The following GREB1L variants were observed in gnomAD, a reference collection of about 807,000 sequenced individuals.
GREB1L encodes the protein GREB1-like protein.
GREB1L carries 17 observed loss-of-function variants against 200.8 expected under a neutral mutation model. The observed-to-expected ratio is 0.08, with a 90% CI of 0.06 to 0.13. GREB1L has a LOEUF of 0.13. Among genes scored for constraint, GREB1L ranks in the 10% least tolerant of loss-of-function variants. The pLI, the probability that GREB1L is intolerant of heterozygous loss-of-function variation, is 1.00. For synonymous variants in GREB1L, 789 were observed against 893.0 expected (o/e 0.88, Z 2.08); for missense variants, 1,657 against 2,367.7 (o/e 0.70, Z 6.23).
chr18:21,274,637 T>C (rs1180022982), intron 1 of GREB1L, among the ~76,000 whole-genome samples: 1 of 152,176 alleles, frequency 6.6e-6, no homozygotes, highest in Non-Finnish European at 1.5e-5. Flanking sequence ...CACATGCCTG[T>C]AATCCTGGCA....
intron 1 of GREB1L, among the ~76,000 whole-genome samples, chr18:21,251,944 CAAA>C (rs11422185): frequency 1.2e-4 from 9 of 72,886 alleles, no homozygotes; most frequent in East Asian, 4.9e-4. Context: ...GACTCCATCT[CAAA>C]AAAAAAAAAA....
chr18:21,299,727 A>G (rs758863564), intron 1 of GREB1L, among the ~76,000 whole-genome samples: 7 of 152,152 alleles, frequency 4.6e-5, no homozygotes, highest in Non-Finnish European at 8.8e-5. Flanking sequence ...TTAGTTTCAA[A>G]TCTTGACATG....
Position 21,244,842 on chromosome 18 carries a change from G to C in GREB1L, c.-120+2449G>C, listed in dbSNP as rs1440615321. Among the ~76,000 whole-genome samples the C allele has an allele frequency of 1.3e-5, 2 of 152,098 alleles. 1 individual carries two copies. The highest frequency in any genetic ancestry group is 4.1e-4 in the South Asian group (2 of 4,820). On this transcript the variant is annotated intron_variant, in intron 1 of 32. Coordinates refer to ENST00000424526, the MANE Select transcript of GREB1L (RefSeq NM_001142966.3). ...TGGCTAAGGAGAGTGAATTCTCCTC[G>C]CAGCCCACAGTGTCATTTTTAGGAA... is the stretch of plus-strand genomic sequence containing the variant.
At chr18:21,411,934 A>G (rs1461336525) in intron 7 of GREB1L, among the ~76,000 whole-genome samples, 1 of 151,692 alleles carries the variant, frequency 6.6e-6, no homozygotes, top group Admixed American at 6.6e-5. Flanking sequence ...AGTCCCAGCT[A>G]CTCGGGAGGC....
Position 21,523,132 on chromosome 18 carries a change from A to G in GREB1L, c.*311A>G, listed in dbSNP as rs1422829420. The G allele has an allele frequency of 1.1e-5, 2 of 189,240 alleles. No homozygotes were observed. The highest frequency in any genetic ancestry group is 2.2e-5 in the Non-Finnish European group (2 of 92,842). 11.7% of individuals were successfully genotyped at this position (189,240 alleles called of 1,614,324 possible). ...GGAGAGTGAATATGGAGTTTGCATT[A>G]TTTTTTTCTATTACTATGTTAGGGG... On this transcript the variant is annotated 3_prime_UTR_variant, in exon 33 of 33. Transcript: ENST00000424526.
intron 15 of GREB1L, chr18:21,454,955 T>C: frequency 3.8e-6 from 1 of 261,922 alleles, no homozygotes; most frequent in South Asian, 4.6e-5. Context: ...CTTGGCCATC[T>C]AGCACATTAA....
In GREB1L at chr18:21,523,384, T is replaced by C. The variant is rs1178399930; in HGVS notation, c.*563T>C. The C allele has an allele frequency of 4.6e-5, 7 of 152,238 alleles. No homozygotes were observed. 9.4% of individuals were successfully genotyped at this position (152,238 alleles called of 1,614,324 possible). A position where few individuals can be genotyped will look rare whatever the true frequency, so the allele number is the denominator to read the frequency against. Reference sequence around the variant, plus strand: ...TTCTCTGTGCAGTGTTAGTTTAAGATTTATAATCTTCTATGTATTGAAACT... The same window carrying C: ...TTCTCTGTGCAGTGTTAGTTTAAGACTTATAATCTTCTATGTATTGAAACT... On this transcript the variant is annotated 3_prime_UTR_variant, in exon 33 of 33. Coordinates refer to ENST00000424526, the MANE Select transcript of GREB1L (RefSeq NM_001142966.3).
chr18:21,505,393 C>T lies in GREB1L; in HGVS notation c.4073-19C>T. On this transcript the variant is annotated intron_variant, in intron 23 of 32. Transcript: ENST00000424526. ...AGGGAGGCCAGTCACCTGCTCTGCACACTTCCTTCTTGTCCTAGATCACAA... is the reference window on the plus strand; with the variant it reads ...AGGGAGGCCAGTCACCTGCTCTGCATACTTCCTTCTTGTCCTAGATCACAA... 1 of 1,547,686 alleles carries T rather than the reference C, an allele frequency of 6.5e-7. No homozygotes were observed. Among genetic ancestry groups the T allele is most frequent in the Non-Finnish European group, 8.7e-7 (1 of 1,146,462 alleles).
chr18:21,521,459 GAAGA>G (rs2037596249), intron 32 of GREB1L, among the ~76,000 whole-genome samples: 1 of 152,116 alleles, frequency 6.6e-6, no homozygotes, highest in Admixed American at 6.6e-5. Context: ...TGAGATCAGT[GAAGA>G]AAGTGAGGTT....
At chr18:21,401,387 C>T in intron 6 of GREB1L, 61 bp downstream of exon 6, 2 of 1,357,282 alleles carry the variant, frequency 1.5e-6, no homozygotes, top group Non-Finnish European at 2.0e-6. Flanking sequence ...TGACAAGTGA[C>T]CCATACAAGA....
rs1567919430 is a variant in GREB1L, at chr18:21,278,400, AT to A, written c.-120+36008del. ...CATCTCAAAAAAAAAAAATAAATAA[AT>A]AAATAAATAAATAAATAAATAAATA... On this transcript the variant is annotated intron_variant, in intron 1 of 32. Transcript: ENST00000424526. Among the ~76,000 whole-genome samples the A allele has an allele frequency of 8.2e-4, 113 of 137,884 alleles. 2 individuals are homozygous for A. The Middle Eastern group carries it at 0.015, about 18-fold the overall frequency. 90.5% of individuals were successfully genotyped at this position (137,884 alleles called of 152,430 possible). A position where few individuals can be genotyped will look rare whatever the true frequency, so the allele number is the denominator to read the frequency against.
chr18:21,331,028 A>C (rs943049103), intron 1 of GREB1L, among the ~76,000 whole-genome samples: 1 of 152,188 alleles, frequency 6.6e-6, no homozygotes, highest in African/African-American at 2.4e-5. Flanking sequence ...CTTTTTTATA[A>C]ATCAACATCA....
rs1211371878 is a variant in GREB1L, at chr18:21,508,465, G to A, written c.4609G>A (p.Ala1537Thr). 1.7e-5 allele frequency: 27 copies of A among 1,551,542 alleles called. No individual in the cohort carries two copies. The highest frequency in any genetic ancestry group is 3.6e-5 in the South Asian group (3 of 84,048). The change falls in exon 27 of 33, where the codon GCC (alanine) becomes ACC (threonine). Residue 1537 changes from alanine to threonine, a missense_variant. Physicochemically the swap from Ala to Thr is moderately conservative, Grantham distance 58. Around this residue, in one of 9 missense-constraint regions of GREB1L, gnomAD observed 151 missense variants for 309.6 expected, o/e 0.49. Transcript: ENST00000424526. ...HEHGLLNLFH[A>T]MEGISHLHLL... ...GCACGGACTCCTAAACCTTTTCCAC[G>A]CCATGGAGGGCATCAGCCACCTTCA... is the stretch of plus-strand genomic sequence containing the variant.
intron 4 of GREB1L, among the ~76,000 whole-genome samples, chr18:21,393,620 G>A (rs1294903413): frequency 3.3e-5 from 5 of 152,234 alleles, no homozygotes; most frequent in South Asian, 2.1e-4. Context: ...TAGTAGAGAC[G>A]GGGTTTCACC....
At chr18:21,333,353 G>T (rs1485672937) in intron 1 of GREB1L, among the ~76,000 whole-genome samples, 1 of 152,074 alleles carries the variant, frequency 6.6e-6, no homozygotes, top group East Asian at 1.9e-4. Flanking sequence ...TATCATCAGG[G>T]TAATAGTTTT....
chr18:21,260,737 A>G (rs1397192824), intron 1 of GREB1L, among the ~76,000 whole-genome samples: 1 of 151,978 alleles, frequency 6.6e-6, no homozygotes, highest in African/African-American at 2.4e-5. Flanking sequence ...TTCTCCTAAG[A>G]ATTAGAGATT....
chr18:21,285,586 T>A (rs1016158124), intron 1 of GREB1L, among the ~76,000 whole-genome samples: 1 of 152,202 alleles, frequency 6.6e-6, no homozygotes, highest in Non-Finnish European at 1.5e-5. Flanking sequence ...ATATAATTGT[T>A]GTTAGAACAA....
At chr18:21,437,229 A>T (rs149678236) in intron 7 of GREB1L, among the ~76,000 whole-genome samples, 1,562 of 152,148 alleles carry the variant, frequency 0.01, 97 homozygotes, top group Admixed American at 0.096. Flanking sequence ...GTGCCTGGCC[A>T]TTTTTGGAAA....
At chr18:21,340,879 C>T (rs1360567591) in intron 1 of GREB1L, among the ~76,000 whole-genome samples, 1 of 152,152 alleles carries the variant, frequency 6.6e-6, no homozygotes, top group Non-Finnish European at 1.5e-5. Context: ...TGAAAGAATT[C>T]TATAAAGTAG....
Sources: gnomAD v4.1 joint callset for allele counts (sites outside exome capture counted in the v4.1 genomes callset) on GRCh38, gnomAD v4.1.1 for gene constraint, gnomAD v4.1.1 regional missense constraint, MANE v1.5 for transcripts, NCBI Gene and HGNC (gene_info 2026-07-23, HGNC 2026-07-21) for gene names.